PTCH2: variants seen among roughly 807,000 people sequenced by gnomAD.
The protein encoded by PTCH2 is protein patched homolog 2.
In PTCH2, 96 loss-of-function variants were observed where a neutral mutation model predicts 117.9. The ratio of observed to expected loss-of-function variants is 0.81; its 90% CI spans 0.69 to 0.96. The LOEUF is 0.96. PTCH2 is among the 50% of genes least tolerant of loss of function. The pLI, the probability that PTCH2 is intolerant of heterozygous loss-of-function variation, is 0.00. For synonymous variants in PTCH2, 615 were observed against 660.9 expected, an observed-to-expected ratio of 0.93 and a Z score of 1.06; for missense variants, 1,379 against 1,562.5, an observed-to-expected ratio of 0.88 and a Z score of 1.98.
intron 6 of PTCH2, among the ~76,000 whole-genome samples, chr1:44,830,459 C>T (rs544511217): frequency 1.7e-4 from 26 of 151,808 alleles, no homozygotes; most frequent in African/African-American, 5.3e-4. Context: ...AAAAATTAGC[C>T]GGGCATGGTG....
At position 44,828,731 on chromosome 1, in the gene PTCH2, G is replaced by C. The variant is rs1653282884; in HGVS notation, c.1465-100C>G. 2.0e-6 allele frequency: 3 copies of C among 1,505,602 alleles called. No individual in the cohort carries two copies. In the South Asian group the frequency reaches 3.6e-5, roughly 18 times the overall value. The allele number at this position is 1,505,602 out of a possible 1,614,324, so 93.3% of individuals were successfully genotyped here. On this transcript the variant is annotated intron_variant, in intron 11 of 21. Coordinates refer to ENST00000372192, the MANE Select transcript of PTCH2 (RefSeq NM_003738.5). ...TCAGGAACTTGGGGTGCAGAGGTGGGGCAGTCATAACACAGTGGCTAGCAT... is the reference window on the plus strand; with the variant it reads ...TCAGGAACTTGGGGTGCAGAGGTGGCGCAGTCATAACACAGTGGCTAGCAT...
Position 44,822,008 on chromosome 1 carries a change from T to C in PTCH2, c.*407A>G, listed in dbSNP as rs1282772051. 7.6e-7 allele frequency: 1 copy of C among 1,308,552 alleles called. No homozygotes were observed. The highest frequency in any genetic ancestry group is 4.8e-5 in the East Asian group (1 of 20,626). The allele number at this position is 1,308,552 out of a possible 1,614,324, so 81.1% of individuals were successfully genotyped here. A position where few individuals can be genotyped will look rare whatever the true frequency, so the allele number is the denominator to read the frequency against. Reference sequence around the variant, plus strand: ...CATCATAGCTAACATGTATGTATACTACAAAAATAGACATTTTCATATAAA... The same window carrying C: ...CATCATAGCTAACATGTATGTATACCACAAAAATAGACATTTTCATATAAA... On this transcript the variant is annotated 3_prime_UTR_variant, in exon 22 of 22. Coordinates refer to ENST00000372192, the MANE Select transcript of PTCH2 (RefSeq NM_003738.5).
intron 19 of PTCH2, among the ~76,000 whole-genome samples, chr1:44,824,679 T>A (rs942562762): frequency 3.3e-5 from 5 of 151,962 alleles, no homozygotes; most frequent in African/African-American, 4.8e-5. Context: ...TTAAAAAAAA[T>A]TTTTTTTCTT....
At position 44,823,608 on chromosome 1, in the gene PTCH2, G is replaced by C. The variant is rs1653011932; in HGVS notation, c.3115-223C>G. Among the ~76,000 whole-genome samples the C allele has an allele frequency of 6.6e-6, 1 of 152,200 alleles. No homozygotes were observed. The highest frequency in any genetic ancestry group is 2.4e-5 in the African/African-American group (1 of 41,454). ...TAGACACAGAGACACGTAGAAAATA[G>C]GGTACAGCCTGGGTGACAGAGTGAG... On this transcript the variant is annotated intron_variant, in intron 19 of 21. Coordinates refer to ENST00000372192, the MANE Select transcript of PTCH2 (RefSeq NM_003738.5). This position sits in a 1 kb window ranked among gnomAD's most constrained non-coding sequence, Gnocchi z 5.1.
chr1:44,842,651 CACAG>C (rs1654006279), intron 1 of PTCH2, among the ~76,000 whole-genome samples: 1 of 152,214 alleles, frequency 6.6e-6, no homozygotes, highest in Admixed American at 6.5e-5. Context: ...GAGGTGAACC[CACAG>C]ACATTCATTC....
intron 2 of PTCH2, among the ~76,000 whole-genome samples, chr1:44,840,220 C>T (rs984669493): frequency 9.3e-5 from 14 of 151,266 alleles, no homozygotes; most frequent in African/African-American, 2.4e-4. Flanking sequence ...CTCCTGTCTC[C>T]GCTTCCCAAG....
chr1:44,843,155 C>CGT lies in PTCH2; in HGVS notation c.-225_-224dup, dbSNP rs893132430. 97 of 1,266,718 alleles carry CGT rather than the reference C, an allele frequency of 7.7e-5. No individual in the cohort carries two copies. Among genetic ancestry groups the CGT allele is most frequent in the Non-Finnish European group, 1.8e-5 (18 of 1,006,458 alleles). 78.5% of individuals were successfully genotyped at this position (1,266,718 alleles called of 1,614,324 possible). ...GCGCGGCGCCGGGATTCACCCGCTC[C>CGT]GTGGGCCGTGGGCCGCGGCGGCTGG... On this transcript the variant is annotated 5_prime_UTR_variant, in exon 1 of 22. Coordinates refer to ENST00000372192, the MANE Select transcript of PTCH2 (RefSeq NM_003738.5).
At position 44,827,074 on chromosome 1, in the gene PTCH2, T is replaced by C; in HGVS notation, c.2523A>G (p.Thr841=). Residue 841 remains threonine, a synonymous_variant, in exon 17 of 22, where the codon ACA becomes ACG. Coordinates refer to ENST00000372192, the MANE Select transcript of PTCH2 (RefSeq NM_003738.5). Reference sequence around the variant, plus strand: ...GTCCCTCTCTGTCCACCAGCTTCCTTGTGGTCAGCTGCAGAGGCAGAGAGG... The same window carrying C: ...GTCCCTCTCTGTCCACCAGCTTCCTCGTGGTCAGCTGCAGAGGCAGAGAGG... ...QEPLDFSQLT[T]RKLVDREGLI... 2 of 1,613,946 alleles carry C rather than the reference T, an allele frequency of 1.2e-6. No homozygotes were observed. The highest frequency in any genetic ancestry group is 1.7e-6 in the Non-Finnish European group (2 of 1,179,940).
chr1:44,828,014 G>C lies in PTCH2; in HGVS notation c.1887C>G (p.Asp629Glu), dbSNP rs764832915. The change falls in exon 14 of 22, where the codon GAC (aspartate) becomes GAG (glutamate). Residue 629 changes from aspartate (D) to glutamate (E), a missense_variant. Coordinates refer to ENST00000372192, the MANE Select transcript of PTCH2 (RefSeq NM_003738.5). ...GGCTGAAGAGCTCAGAGCCCAGTGG[G>C]TCAGAAGGTGGGGGCACCAGGTGGG... is the stretch of plus-strand genomic sequence containing the variant. ...PQAHLVPPPS[D>E]PLGSELFSPG... The C allele has an allele frequency of 1.2e-6, 2 of 1,614,094 alleles. No homozygotes were observed. Among genetic ancestry groups the C allele is most frequent in the African/African-American group, 2.7e-5 (2 of 74,946 alleles).
At position 44,831,938 on chromosome 1, in the gene PTCH2, A is replaced by T. The variant is rs1206303874; in HGVS notation, c.525+37T>A. The T allele has an allele frequency of 2.5e-6, 4 of 1,587,884 alleles. No individual in the cohort carries two copies. Among genetic ancestry groups the T allele is most frequent in the Non-Finnish European group, 3.5e-6 (4 of 1,156,320 alleles). ...GTCTCTGAGTCCTCCCACGCTACAG[A>T]AAAAGTTCTGCCTCTACTCCCTCTC... On this transcript the variant is annotated intron_variant, in intron 4 of 21. Coordinates refer to ENST00000372192, the MANE Select transcript of PTCH2 (RefSeq NM_003738.5). This position sits in a 1 kb window ranked among gnomAD's most constrained non-coding sequence, Gnocchi z 4.3.
intron 2 of PTCH2, among the ~76,000 whole-genome samples, chr1:44,836,017 G>A (rs548051026): frequency 1.3e-5 from 2 of 152,322 alleles, no homozygotes; most frequent in South Asian, 4.1e-4. Flanking sequence ...TTGGCCAGAT[G>A]GAGATTGGCC....
At chr1:44,825,844 C>CTTTTTT (rs35549385) in intron 19 of PTCH2, among the ~76,000 whole-genome samples, 2 of 118,412 alleles carry the variant, frequency 1.7e-5, no homozygotes, top group African/African-American at 3.2e-5. Flanking sequence ...AGCCCAAATT[C>CTTTTTT]TTTTTTTTTT....
intron 19 of PTCH2, among the ~76,000 whole-genome samples, chr1:44,824,596 C>T (rs1277722316): frequency 1.3e-5 from 2 of 151,538 alleles, no homozygotes; most frequent in African/African-American, 4.9e-5. Context: ...CTCTGAGGTT[C>T]AAGTGATCCT....
At position 44,823,497 on chromosome 1, in the gene PTCH2, G is replaced by T; in HGVS notation, c.3115-112C>A. The T allele has an allele frequency of 6.8e-7, 1 of 1,467,374 alleles. No individual in the cohort carries two copies. Among genetic ancestry groups the T allele is most frequent in the Non-Finnish European group, 9.4e-7 (1 of 1,059,604 alleles). The allele number at this position is 1,467,374 out of a possible 1,614,324, so 90.9% of individuals were successfully genotyped here. ...TCAACGATACCTTGGCCCACCAAAG[G>T]CTGGGTGAACTAAGTTCATGGGAAC... is the stretch of plus-strand genomic sequence containing the variant. On this transcript the variant is annotated intron_variant, in intron 19 of 21. Coordinates refer to ENST00000372192, the MANE Select transcript of PTCH2 (RefSeq NM_003738.5). This position sits in a 1 kb window ranked among gnomAD's most constrained non-coding sequence, Gnocchi z 5.1.
intron 21 of PTCH2, 98 bp from the exon 22 acceptor site, chr1:44,822,767 G>C (rs998145995): frequency 3.0e-5 from 40 of 1,350,006 alleles, no homozygotes; most frequent in Middle Eastern, 2.4e-4. Flanking sequence ...TGGGAAGCTG[G>C]GGCCCTTGTT....
chr1:44,840,100 A>AATTTT (rs1653877452), intron 2 of PTCH2, among the ~76,000 whole-genome samples: 2 of 143,170 alleles, frequency 1.4e-5, no homozygotes, highest in Non-Finnish European at 3.0e-5. Flanking sequence ...GTCATGCTGA[A>AATTTT]ATTTTTTTTT....
At chr1:44,833,438 CTTT>C (rs779956039) in intron 2 of PTCH2, among the ~76,000 whole-genome samples, 7 of 136,406 alleles carry the variant, frequency 5.1e-5, no homozygotes, top group Non-Finnish European at 6.3e-5. Flanking sequence ...ATCTCTTTTC[CTTT>C]TTTTTTTTTT....
In PTCH2 at chr1:44,822,525, G is replaced by T. The variant is rs1284162659; in HGVS notation, c.3502C>A (p.Pro1168Thr). Residue 1168 changes from proline to threonine, a missense_variant, in exon 22 of 22, where the codon CCC (proline) becomes ACC (threonine). Transcript: ENST00000372192. The part of the protein sequence containing the change: ...TSMTVAIHPP[P>T]LPGAYIHPAP... ...GGATGGATGTAGGCACCAGGCAGGG[G>T]GGGTGGGTGGATGGCCACGGTCATG... is the stretch of plus-strand genomic sequence containing the variant. 6 of 1,613,962 alleles carry T rather than the reference G, an allele frequency of 3.7e-6. No homozygotes were observed. In the African/African-American group the frequency reaches 5.3e-5, roughly 14 times the overall value.
chr1:44,828,766 A>G, intron 11 of PTCH2, 135 bp from the exon 12 acceptor site: 1 of 1,338,996 alleles, frequency 7.5e-7, no homozygotes. Context: ...TTTATTGGGT[A>G]CCATGTACGT....
Sources: gnomAD v4.1 joint callset for allele counts (sites outside exome capture counted in the v4.1 genomes callset) on GRCh38, gnomAD v4.1.1 for gene constraint, Gnocchi (gnomAD v3.1) non-coding constraint, MANE v1.5 for transcripts, NCBI Gene and HGNC (gene_info 2026-07-23, HGNC 2026-07-21) for gene names.